The following WDR90 variants were observed in gnomAD, a reference collection of about 807,000 sequenced individuals.
WDR90 encodes the protein WD repeat-containing protein 90.
WDR90 carries 238 observed loss-of-function variants against 195.2 expected under a neutral mutation model. That is an observed-to-expected ratio of 1.22 (90% confidence interval 1.10 to 1.36). The LOEUF (loss-of-function observed/expected upper bound fraction) is 1.36. Ranked by LOEUF, WDR90 falls within the 40% of genes most tolerant of loss-of-function variation. WDR90 has a pLI of 0.00. For synonymous variants in WDR90, 1,265 were observed against 1,052.4 expected, an observed-to-expected ratio of 1.20 and a Z score of -3.91; for missense variants, 2,734 against 2,439.5, an observed-to-expected ratio of 1.12 and a Z score of -2.54.
chr16:659,504 A>G (rs1439420535), intron 26 of WDR90, 128 bp downstream of exon 26: 2 of 1,300,334 alleles, frequency 1.5e-6, no homozygotes, highest in Non-Finnish European at 1.1e-6. Flanking sequence ...ATCAGGTGGA[A>G]CACAGTGGGG....
Position 662,767 on chromosome 16 carries a change from A to G in WDR90, c.4234A>G (p.Thr1412Ala). The G allele has an allele frequency of 1.2e-6, 2 of 1,607,824 alleles. No homozygotes were observed. Among genetic ancestry groups the G allele is most frequent in the Non-Finnish European group, 1.7e-6 (2 of 1,176,688 alleles). ...DDSVDMGVVG[T>A]TAGTLWFVSW... ...CAGCGTGGACATGGGCGTCGTGGGCACCACGGCGGGCACGCTGTGGTTTGT... is the reference window on the plus strand; with the variant it reads ...CAGCGTGGACATGGGCGTCGTGGGCGCCACGGCGGGCACGCTGTGGTTTGT... The change falls in exon 34 of 41, where the codon ACC (threonine) becomes GCC (alanine). Residue 1412 changes from threonine to alanine, a missense_variant. By Grantham distance (58) the Thr-to-Ala change is moderately conservative. Transcript: ENST00000293879.
intron 7 of WDR90, 139 bp downstream of exon 7, chr16:651,405 T>G: frequency 1.7e-6 from 2 of 1,165,896 alleles, no homozygotes; most frequent in East Asian, 2.6e-5. Flanking sequence ...GCCCGTAGGT[T>G]GTCCGAGTTC....
intron 7 of WDR90, 66 bp from the exon 8 acceptor site, chr16:651,578 C>CGCCCTCCCCAGGT (rs2037647193): frequency 1.3e-6 from 2 of 1,503,002 alleles, no homozygotes; most frequent in East Asian, 4.5e-5. Context: ...CCTCCCCAGG[C>CGCCCTCCCCAGGT]GTCACCCTCA....
rs1438694477 is a variant in WDR90, at chr16:666,254, C to T, written c.4644C>T (p.Leu1548=). The change falls in exon 37 of 41, where the codon CTC becomes CTT. Residue 1548 remains leucine (L), a synonymous_variant. Coordinates refer to ENST00000293879, the MANE Select transcript of WDR90 (RefSeq NM_145294.5). ...QTVLSGDKDG[L]VAVSHPCTGT... is the part of the protein sequence containing the mutation. ...TCCTCTCTGGAGACAAGGATGGGCT[C>T]GTGGCTGTGAGCCACCCCTGCACAG... The T allele has an allele frequency of 1.3e-5, 21 of 1,612,576 alleles. No individual in the cohort carries two copies. The highest frequency in any genetic ancestry group is 2.2e-5 in the East Asian group (1 of 44,890).
At position 653,606 on chromosome 16, in the gene WDR90, G is replaced by T; in HGVS notation, c.1315G>T (p.Asp439Tyr). 6.2e-7 allele frequency: 1 copy of T among 1,613,528 alleles called. No individual in the cohort carries two copies. The highest frequency in any genetic ancestry group is 2.2e-5 in the East Asian group (1 of 44,882). ...GGCCCCTAGTGTGATGCGGCTCTGGGACTTCCAGACCGGGCGGTGCTTGTG... is the reference window on the plus strand; with the variant it reads ...GGCCCCTAGTGTGATGCGGCTCTGGTACTTCCAGACCGGGCGGTGCTTGTG... ...ARAPSVMRLW[D>Y]FQTGRCLCLF... Residue 439 changes from aspartate (D) to tyrosine (Y), a missense_variant, in exon 12 of 41, where the codon GAC becomes TAC. Transcript: ENST00000293879.
Position 667,671 on chromosome 16 carries a change from T to G in WDR90, c.*82T>G, listed in dbSNP as rs2038148933. 2 of 1,575,352 alleles carry G rather than the reference T, an allele frequency of 1.3e-6. No homozygotes were observed. The highest frequency in any genetic ancestry group is 1.7e-6 in the Non-Finnish European group (2 of 1,165,800). On this transcript the variant is annotated 3_prime_UTR_variant, in exon 41 of 41. Transcript: ENST00000293879. ...CACAGGCTTGGCAGAGGCGCCAGGT[T>G]GTCAATGGCCTCATGCTGGGACAGG...
intron 28 of WDR90, 37 bp from the exon 29 acceptor site, chr16:661,014 C>CTGGT: frequency 2.4e-6 from 1 of 420,800 alleles, no homozygotes; most frequent in Non-Finnish European, 3.0e-6. Context: ...CCCCCCCCCC[C>CTGGT]CGGCCCGGCC....
At chr16:666,629 G>A (rs369520079) in intron 38 of WDR90, 31 bp downstream of exon 38, 9 of 1,611,632 alleles carry the variant, frequency 5.6e-6, no homozygotes, top group East Asian at 2.2e-5. Flanking sequence ...TGTGGGTGGG[G>A]CCGGTACCCA....
Position 659,246 on chromosome 16 carries a change from C to A in WDR90, c.3054C>A (p.Gly1018=). The change falls in exon 26 of 41, where the codon GGC becomes GGA. Residue 1018 remains glycine (G), a splice_region_variant and synonymous_variant. Transcript: ENST00000293879. The part of the protein sequence containing the change: ...FPGAPPACKT[G]PGAGPLEDAA... ...ATCACAGGGCTGCTTCTTCCCCAGG[C>A]CCGGGCGCAGGACCGCTGGAGGACG... The A allele has an allele frequency of 2.5e-6, 4 of 1,611,708 alleles. No homozygotes were observed. The South Asian group carries it at 4.4e-5, about 18-fold the overall frequency.
Position 657,251 on chromosome 16 carries a change from C to T in WDR90, c.2473+30C>T, listed in dbSNP as rs573593753. ...GGCCCCCTGCAGCCACTCTGGGGGA[C>T]TCCTCAGGGCGGGGGAGGCCTGGAT... On this transcript the variant is annotated intron_variant, in intron 20 of 40. Transcript: ENST00000293879. 129 of 1,515,920 alleles carry T rather than the reference C, an allele frequency of 8.5e-5. No individual in the cohort carries two copies. The Middle Eastern group carries it at 1.6e-3, about 19-fold the overall frequency. The allele number at this position is 1,515,920 out of a possible 1,614,324, so 93.9% of individuals were successfully genotyped here.
At position 661,598 on chromosome 16, in the gene WDR90, G is replaced by A; in HGVS notation, c.3675G>A (p.Gly1225=). ...SPDDRLLVTL[G]DHDGRTLALW... ...GTGGCTGCTCTGTGTCCTTCCCAGG[G>A]GACCACGATGGCCGCACCCTCGCCC... The change falls in exon 31 of 41, where the codon GGG becomes GGA. Residue 1225 remains glycine (G), a splice_region_variant and synonymous_variant. Coordinates refer to ENST00000293879, the MANE Select transcript of WDR90 (RefSeq NM_145294.5). 6.3e-7 allele frequency: 1 copy of A among 1,587,252 alleles called. No individual in the cohort carries two copies. Among genetic ancestry groups the A allele is most frequent in the Non-Finnish European group, 8.6e-7 (1 of 1,164,664 alleles).
In WDR90 at chr16:662,774, C is replaced by T. The variant is rs765777688; in HGVS notation, c.4241C>T (p.Ala1414Val). 4.0e-5 allele frequency: 64 copies of T among 1,607,506 alleles called. 1 individual carries two copies. The highest frequency in any genetic ancestry group is 3.1e-4 in the South Asian group (28 of 90,744). ...SVDMGVVGTT[A>V]GTLWFVSWAE... ...GACATGGGCGTCGTGGGCACCACGG[C>T]GGGCACGCTGTGGTTTGTCAGCTGG... Residue 1414 changes from alanine to valine, a missense_variant, in exon 34 of 41, where the codon GCG becomes GTG. By Grantham distance (64) the Ala-to-Val change is moderately conservative. Transcript: ENST00000293879.
At chr16:649,502 C>A in intron 1 of WDR90, 76 bp downstream of exon 1, 1 of 1,277,526 alleles carries the variant, frequency 7.8e-7, no homozygotes, top group African/African-American at 1.6e-5. Context: ...GGCCGGAGCG[C>A]TCAGGGCCCC....
intron 1 of WDR90, 153 bp from the exon 2 acceptor site, chr16:649,610 G>A (rs2037596833): frequency 6.2e-6 from 7 of 1,133,664 alleles, no homozygotes; most frequent in Non-Finnish European, 8.0e-6. Context: ...TCGGGCGCCC[G>A]GCCTCGTCCC....
Position 650,672 on chromosome 16 carries a change from C to T in WDR90, c.522C>T (p.Val174=). The T allele has an allele frequency of 6.2e-7, 1 of 1,612,534 alleles. No individual in the cohort carries two copies. Among genetic ancestry groups the T allele is most frequent in the Non-Finnish European group, 8.5e-7 (1 of 1,179,732 alleles). ...KSIRLCASLL[V]RNLYTSDLCF... ...TCAGGCTGTGCGCCAGCCTGCTGGT[C>T]AGGAACCTGTACACCAGTGACCTGT... The change falls in exon 5 of 41, where the codon GTC becomes GTT. Residue 174 remains valine (V), a synonymous_variant. Coordinates refer to ENST00000293879, the MANE Select transcript of WDR90 (RefSeq NM_145294.5).
In WDR90 at chr16:649,387, G is replaced by A. The variant is rs928251858; in HGVS notation, c.-30G>A. On this transcript the variant is annotated 5_prime_UTR_variant, in exon 1 of 41. Transcript: ENST00000293879. ...CGTACTCTGCGCTGGGCGCGCGGAGGCCTAGGCGGGAAGCTCGAGCGGCGG... is the reference window on the plus strand; with the variant it reads ...CGTACTCTGCGCTGGGCGCGCGGAGACCTAGGCGGGAAGCTCGAGCGGCGG... 4 of 1,326,334 alleles carry A rather than the reference G, an allele frequency of 3.0e-6. No homozygotes were observed. Among genetic ancestry groups the A allele is most frequent in the Admixed American group, 4.1e-5 (1 of 24,628 alleles). 82.2% of individuals were successfully genotyped at this position (1,326,334 alleles called of 1,614,324 possible). A position where few individuals can be genotyped will look rare whatever the true frequency, so the allele number is the denominator to read the frequency against.
Position 666,024 on chromosome 16 carries a change from T to TGACGGCTCCCTGCGCATCTTC in WDR90, c.4510_4530dup (p.Asp1504_Phe1510dup), listed in dbSNP as rs1452502766. 6.2e-7 allele frequency: 1 copy of TGACGGCTCCCTGCGCATCTTC among 1,604,176 alleles called. No individual in the cohort carries two copies. The highest frequency in any genetic ancestry group is 1.1e-5 in the South Asian group (1 of 91,072). On this transcript the variant is annotated inframe_insertion, in exon 36 of 41. Coordinates refer to ENST00000293879, the MANE Select transcript of WDR90 (RefSeq NM_145294.5). ...AGCAGCGGCTAGCGGCTGGCTACGGTGACGGCTCCCTGCGCATCTTCAGCG... is the reference window on the plus strand; with the variant it reads ...AGCAGCGGCTAGCGGCTGGCTACGGTGACGGCTCCCTGCGCATCTTCGACGGCTCCCTGCGCATCTTCAGCG...
At chr16:652,373 G>A in intron 9 of WDR90, 94 bp from the exon 10 acceptor site, 2 of 1,417,220 alleles carry the variant, frequency 1.4e-6, no homozygotes, top group Non-Finnish European at 1.9e-6. Context: ...TGAGAGGCAG[G>A]ACCCAGCTAG....
chr16:659,760 T>C (rs2037854073), intron 26 of WDR90, among the ~76,000 whole-genome samples: 2 of 152,120 alleles, frequency 1.3e-5, no homozygotes, highest in Non-Finnish European at 2.9e-5. Context: ...AGTGGGCTCC[T>C]GGGGGCTTGC....
Sources: allele counts gnomAD v4.1 joint callset (sites outside exome capture counted in the v4.1 genomes callset), GRCh38; gene constraint gnomAD v4.1.1; transcripts MANE v1.5; gene names NCBI Gene and HGNC (gene_info 2026-07-23, HGNC 2026-07-21).